The following CDH12 variants were observed in gnomAD, a reference collection of about 807,000 sequenced individuals.
The protein encoded by CDH12 is cadherin 12.
CDH12 carries 41 observed loss-of-function variants against 74.1 expected under a neutral mutation model. That is an observed-to-expected ratio of 0.55 (90% CI 0.43 to 0.72). CDH12 has a LOEUF of 0.72. Ranked by LOEUF, CDH12 falls within the 30% of genes least tolerant of loss-of-function variation. The probability of loss-of-function intolerance (pLI) is 0.00; values close to 1 mark genes in which losing one functional copy is unlikely to be tolerated. For synonymous variants in CDH12, 399 were observed against 355.0 expected (o/e 1.12, Z -1.39); for missense variants, 945 against 977.2 (o/e 0.97, Z 0.44).
At chr5:22,196,806 G>A (rs952708081) in intron 4 of CDH12, among the ~76,000 whole-genome samples, 1 of 152,102 alleles carries the variant, frequency 6.6e-6, no homozygotes. Context: ...GGACATCACT[G>A]TAGCTCCTTG....
chr5:22,034,848 T>G (rs1046075930), intron 5 of CDH12, among the ~76,000 whole-genome samples: 1 of 152,168 alleles, frequency 6.6e-6, no homozygotes, highest in Non-Finnish European at 1.5e-5. Flanking sequence ...ATAAGTAATT[T>G]GACAATAAAA....
chr5:22,078,789 G>A lies in CDH12; in HGVS notation c.-113C>T. 1 of 1,476,664 alleles carries A rather than the reference G, an allele frequency of 6.8e-7. No homozygotes were observed. The highest frequency in any genetic ancestry group is 8.9e-7 in the Non-Finnish European group (1 of 1,119,492). The allele number at this position is 1,476,664 out of a possible 1,614,324, so 91.5% of individuals were successfully genotyped here. On this transcript the variant is annotated 5_prime_UTR_variant, in exon 5 of 15. The change creates a premature stop within an existing upstream ORF in the 5' untranslated region. Coordinates refer to ENST00000382254, the MANE Select transcript of CDH12 (RefSeq NM_004061.5). ...CCACCACTTAGCTTCTTGTTTTATT[G>A]CAGAAATGATGATGCAGGCATTAAT...
chr5:22,329,711 G>C (rs1205808180), intron 3 of CDH12, among the ~76,000 whole-genome samples: 1 of 152,230 alleles, frequency 6.6e-6, no homozygotes, highest in African/African-American at 2.4e-5. Context: ...TTTAGAGAGA[G>C]AGACTTTGTA....
At chr5:22,357,497 CAT>C (rs1258242145) in intron 3 of CDH12, among the ~76,000 whole-genome samples, 2 of 151,942 alleles carry the variant, frequency 1.3e-5, no homozygotes, top group Non-Finnish European at 2.9e-5. Flanking sequence ...TTCCAATTAA[CAT>C]AAAAACGTTA....
intron 1 of CDH12, among the ~76,000 whole-genome samples, chr5:22,631,932 C>T (rs1405699121): frequency 2.0e-5 from 3 of 152,034 alleles, no homozygotes; most frequent in Non-Finnish European, 4.4e-5. Flanking sequence ...TGTAACCCCA[C>T]GATCCAATCA....
At chr5:22,610,465 G>A (rs576915839) in intron 1 of CDH12, among the ~76,000 whole-genome samples, 150 of 152,154 alleles carry the variant, frequency 9.9e-4, no homozygotes, top group African/African-American at 3.4e-3. Context: ...GCAGATGTAG[G>A]ATAATGCAGT....
chr5:22,056,237 T>G, intron 5 of CDH12, among the ~76,000 whole-genome samples: 1 of 152,172 alleles, frequency 6.6e-6, no homozygotes, highest in East Asian at 1.9e-4. Context: ...TCTATGGTCC[T>G]GATTTGTTTG....
chr5:22,448,568 T>A (rs1194849036), intron 2 of CDH12, among the ~76,000 whole-genome samples: 1 of 152,198 alleles, frequency 6.6e-6, no homozygotes, highest in South Asian at 2.1e-4. Flanking sequence ...TCATTATCTG[T>A]TTGCCTAAAT....
At chr5:21,936,846 C>A (rs1755094996) in intron 6 of CDH12, among the ~76,000 whole-genome samples, 1 of 152,130 alleles carries the variant, frequency 6.6e-6, no homozygotes, top group South Asian at 2.1e-4. Flanking sequence ...GTTTCCCCTG[C>A]ATGCTCTCTC....
rs534032103 is a variant in CDH12 at position 22,629,156 on chromosome 5, G to C, written c.-522-123792C>G. On this transcript the variant is annotated intron_variant, in intron 1 of 14. Coordinates refer to ENST00000382254, the MANE Select transcript of CDH12 (RefSeq NM_004061.5). ...CCAGTACTAGATGGATGCACAGCCA[G>C]GTTATTCCAGACATATAAAAAGAGC... Among the ~76,000 whole-genome samples the C allele has an allele frequency of 7.8e-4, 119 of 152,056 alleles. 2 individuals are homozygous for C. In the Middle Eastern group the frequency reaches 0.034, roughly 43 times the overall value.
chr5:22,434,434 A>G (rs950294904), intron 2 of CDH12, among the ~76,000 whole-genome samples: 2 of 152,060 alleles, frequency 1.3e-5, no homozygotes, highest in African/African-American at 4.8e-5. Context: ...AATTTTCCCC[A>G]TTTTGCATTG....
intron 3 of CDH12, among the ~76,000 whole-genome samples, chr5:22,331,383 A>G (rs1466316740): frequency 6.6e-6 from 1 of 152,182 alleles, no homozygotes; most frequent in Non-Finnish European, 1.5e-5. Context: ...GAGAGACTCC[A>G]TATCTTTAAG....
At chr5:22,199,664 T>TAA (rs1189197105) in intron 4 of CDH12, among the ~76,000 whole-genome samples, 5 of 152,190 alleles carry the variant, frequency 3.3e-5, no homozygotes, top group Non-Finnish European at 7.4e-5. Context: ...GATGTTTAAT[T>TAA]ATACTTCTCA....
Position 22,310,899 on chromosome 5 carries a change from T to C in CDH12, c.-333+94358A>G, listed in dbSNP as rs544409513. Reference sequence around the variant, plus strand: ...CATCCGAAGTCTCAGATGGTCCTTCTTACCCAGTAATAAAAATGAAAATTA... The same window carrying C: ...CATCCGAAGTCTCAGATGGTCCTTCCTACCCAGTAATAAAAATGAAAATTA... On this transcript the variant is annotated intron_variant, in intron 3 of 14. Transcript: ENST00000382254. Among the ~76,000 whole-genome samples, 3 of 152,318 alleles carry C rather than the reference T, an allele frequency of 2.0e-5. No homozygotes were observed. In the South Asian group the frequency reaches 6.2e-4, roughly 32 times the overall value.
At chr5:22,262,418 T>G (rs1753554107) in intron 3 of CDH12, among the ~76,000 whole-genome samples, 1 of 151,950 alleles carries the variant, frequency 6.6e-6, no homozygotes, top group South Asian at 2.1e-4. Context: ...GATTTCCAAT[T>G]TCATCCATGT....
At chr5:22,097,157 C>T (rs1056886150) in intron 4 of CDH12, among the ~76,000 whole-genome samples, 1 of 152,182 alleles carries the variant, frequency 6.6e-6, no homozygotes, top group Non-Finnish European at 1.5e-5. Flanking sequence ...GAATGCCCCA[C>T]AGCCTAGGAT....
intron 1 of CDH12, among the ~76,000 whole-genome samples, chr5:22,750,365 T>C (rs962927392): frequency 6.6e-6 from 1 of 152,118 alleles, no homozygotes; most frequent in African/African-American, 2.4e-5. Flanking sequence ...AAACCTTGGG[T>C]GTAACTTCAT....
chr5:21,950,524 A>T (rs1224348797), intron 6 of CDH12, among the ~76,000 whole-genome samples: 3 of 151,942 alleles, frequency 2.0e-5, no homozygotes, highest in African/African-American at 7.2e-5. Flanking sequence ...CAACTAAAAA[A>T]CATAGATTGG....
intron 3 of CDH12, among the ~76,000 whole-genome samples, chr5:22,292,303 T>G (rs1737421519): frequency 2.0e-5 from 3 of 150,850 alleles, no homozygotes; most frequent in Non-Finnish European, 4.4e-5. Flanking sequence ...TGGGCAACAC[T>G]TTTTTTTGGT....
Sources: gnomAD v4.1 joint callset for allele counts (sites outside exome capture counted in the v4.1 genomes callset) on GRCh38, gnomAD v4.1.1 for gene constraint, MANE v1.5 for transcripts, NCBI Gene and HGNC (gene_info 2026-07-23, HGNC 2026-07-21) for gene names.